Variants in SYNE2 observed in about 807,000 individuals in gnomAD.
SYNE2 encodes nesprin-2.
In SYNE2, 431 loss-of-function variants were observed where a neutral mutation model predicts 856.3. The ratio of observed to expected loss-of-function variants is 0.50; its 90% CI spans 0.47 to 0.55. The LOEUF is 0.55. Ranked by LOEUF, SYNE2 falls within the 20% of genes least tolerant of loss-of-function variation. SYNE2 has a pLI of 0.00. For synonymous variants in SYNE2, 2,923 were observed against 2,872.3 expected (o/e 1.02, Z -0.56); for missense variants, 8,129 against 8,023.2 (o/e 1.01, Z -0.50).
Position 64,137,937 on chromosome 14 carries a change from G to C in SYNE2, c.14797G>C (p.Asp4933His), listed in dbSNP as rs765644476. 8.1e-6 allele frequency: 13 copies of C among 1,614,016 alleles called. No individual in the cohort carries two copies. In the South Asian group the frequency reaches 1.1e-4, roughly 14 times the overall value. The part of the protein sequence containing the change: ...EQWLSLNKKI[D>H]HELHRLQALL... ...GTGGTTGTCCCTGAACAAGAAAATT[G>C]ACCATGAGCTCCACAGGCTGCAAGC... Residue 4933 changes from aspartate (D) to histidine (H), a missense_variant, in exon 79 of 116, where the codon GAC (aspartate) becomes CAC (histidine). This residue lies in a region of SYNE2 where 5,410 missense variants were observed against 5,284.8 expected (regional missense o/e 1.02). Transcript: ENST00000555002.
intron 1 of SYNE2, among the ~76,000 whole-genome samples, chr14:63,799,373 C>T (rs1248267369): frequency 6.6e-6 from 1 of 151,714 alleles, no homozygotes; most frequent in African/African-American, 2.4e-5. Flanking sequence ...GCCACAGCAC[C>T]CTGCCAATAA....
chr14:63,766,851 A>G (rs535277012), intron 1 of SYNE2, among the ~76,000 whole-genome samples: 1 of 152,246 alleles, frequency 6.6e-6, no homozygotes, highest in South Asian at 2.1e-4. Context: ...TGATACTGGA[A>G]GCCAGTGAAT....
At chr14:64,085,725 A>G (rs1226062250) in intron 57 of SYNE2, among the ~76,000 whole-genome samples, 1 of 152,104 alleles carries the variant, frequency 6.6e-6, no homozygotes, top group South Asian at 2.1e-4. Context: ...TTGCAGTGGT[A>G]TTTCATTGTG....
intron 1 of SYNE2, among the ~76,000 whole-genome samples, chr14:63,765,160 A>C (rs371042267): frequency 2.6e-5 from 4 of 152,138 alleles, no homozygotes; most frequent in Non-Finnish European, 5.9e-5. Context: ...ACTTTTCACC[A>C]TGACTAAGCC....
intron 45 of SYNE2, among the ~76,000 whole-genome samples, chr14:64,035,804 C>T (rs559182137): frequency 6.6e-6 from 1 of 152,012 alleles, no homozygotes; most frequent in East Asian, 1.9e-4. Flanking sequence ...AAGCCATCCT[C>T]CTGCCTTAGC....
intron 64 of SYNE2, among the ~76,000 whole-genome samples, chr14:64,105,932 G>C (rs1394162960): frequency 6.6e-6 from 1 of 151,780 alleles, no homozygotes; most frequent in Non-Finnish European, 1.5e-5. Flanking sequence ...GGTGGTGCAT[G>C]CCTATAGTCC....
At chr14:63,973,137 T>C (rs759507859) in intron 11 of SYNE2, among the ~76,000 whole-genome samples, 12 of 152,010 alleles carry the variant, frequency 7.9e-5, no homozygotes, top group Non-Finnish European at 1.5e-4. Context: ...ACACCTGTAA[T>C]CCCAGCTACT....
At position 63,980,685 on chromosome 14, in the gene SYNE2, G is replaced by A. The variant is rs752176254; in HGVS notation, c.1601G>A (p.Arg534Gln). ...ATTGAAGAAAAAGAATTCCTAGCTC[G>A]ACTTGATACTTCTTTTCAAAAATGT... ...KFIEEKEFLA[R>Q]LDTSFQKCGE... is the part of the protein sequence containing the mutation. Residue 534 changes from arginine to glutamine, a missense_variant, in exon 15 of 116, where the codon CGA becomes CAA. By Grantham distance (43) the Arg-to-Gln change is conservative (BLOSUM62 1). This residue lies in a region of SYNE2 where 2,422 missense variants were observed against 2,357.4 expected (regional missense o/e 1.03). Coordinates refer to ENST00000555002, the MANE Select transcript of SYNE2 (RefSeq NM_182914.3). 11 of 1,606,654 alleles carry A rather than the reference G, an allele frequency of 6.8e-6. No homozygotes were observed. The highest frequency in any genetic ancestry group is 6.7e-5 in the African/African-American group (5 of 74,798).
intron 14 of SYNE2, among the ~76,000 whole-genome samples, chr14:63,979,665 C>T (rs1042310985): frequency 2.4e-4 from 36 of 152,250 alleles, no homozygotes; most frequent in Non-Finnish European, 4.4e-4. Context: ...GTAATCCCAA[C>T]ACATTGGGAG....
At chr14:63,950,845 T>C (rs1231352006) in intron 7 of SYNE2, among the ~76,000 whole-genome samples, 1 of 151,938 alleles carries the variant, frequency 6.6e-6, no homozygotes. Context: ...TTTGTAGAGA[T>C]GGGGTTTTGC....
At chr14:63,821,831 A>C (rs535080505) in intron 1 of SYNE2, among the ~76,000 whole-genome samples, 1 of 152,200 alleles carries the variant, frequency 6.6e-6, no homozygotes, top group African/African-American at 2.4e-5. Flanking sequence ...AAATTGTCCA[A>C]ATCAAATTGT....
At chr14:64,156,012 A>T (rs2098282322) in intron 85 of SYNE2, among the ~76,000 whole-genome samples, 1 of 152,228 alleles carries the variant, frequency 6.6e-6, no homozygotes, top group Non-Finnish European at 1.5e-5. Flanking sequence ...AATGGGGATG[A>T]TAACACCTAG....
intron 8 of SYNE2, among the ~76,000 whole-genome samples, chr14:63,958,041 C>CA (rs945403486): frequency 2.0e-4 from 30 of 149,028 alleles, no homozygotes; most frequent in Non-Finnish European, 3.1e-4. Flanking sequence ...GACTCCATCT[C>CA]AAAAAAAACA....
chr14:64,111,998 A>G (rs1357117582), intron 65 of SYNE2, among the ~76,000 whole-genome samples: 1 of 152,184 alleles, frequency 6.6e-6, no homozygotes, highest in African/African-American at 2.4e-5. Flanking sequence ...AAAACAGCAC[A>G]TGTATGTGAA....
intron 96 of SYNE2, among the ~76,000 whole-genome samples, chr14:64,183,079 C>G (rs1278876325): frequency 6.8e-6 from 1 of 147,600 alleles, no homozygotes; most frequent in African/African-American, 2.6e-5. Context: ...ACTTCCCGGA[C>G]GGGGCGGCTG....
intron 1 of SYNE2, among the ~76,000 whole-genome samples, chr14:63,785,190 G>A (rs748808043): frequency 7.2e-5 from 11 of 152,028 alleles, no homozygotes; most frequent in Non-Finnish European, 1.2e-4. Context: ...GCCAGGCACG[G>A]TGGCTCACAC....
intron 2 of SYNE2, among the ~76,000 whole-genome samples, chr14:63,919,028 T>C (rs1356422073): frequency 6.6e-6 from 1 of 152,170 alleles, no homozygotes; most frequent in African/African-American, 2.4e-5. Flanking sequence ...ATTTCAAAAG[T>C]CCAGGTGAAT....
intron 1 of SYNE2, among the ~76,000 whole-genome samples, chr14:63,790,799 T>C (rs1310314676): frequency 3.3e-5 from 5 of 152,160 alleles, no homozygotes; most frequent in African/African-American, 1.2e-4. Context: ...ATATAATAAC[T>C]TTATTATGCC....
Position 64,167,273 on chromosome 14 carries a change from A to C in SYNE2, c.16646A>C (p.Glu5549Ala). Residue 5549 changes from glutamate to alanine, a missense_variant, in exon 91 of 116, where the codon GAA (glutamate) becomes GCA (alanine). Transcript: ENST00000555002. ...LALTAQSPDI[E>A]HLNEVSLKLP... ...CTGACAGCCCAATCACCTGATATTG[A>C]ACATTTGAATGAAGTGAGCCTCAAG... The C allele has an allele frequency of 6.2e-7, 1 of 1,614,250 alleles. No homozygotes were observed. Among genetic ancestry groups the C allele is most frequent in the Non-Finnish European group, 8.5e-7 (1 of 1,180,040 alleles).
Sources: allele counts gnomAD v4.1 joint callset (sites outside exome capture counted in the v4.1 genomes callset), GRCh38; gene constraint gnomAD v4.1.1; regional missense constraint gnomAD v4.1.1; transcripts MANE v1.5; gene names NCBI Gene and HGNC (gene_info 2026-07-23, HGNC 2026-07-21).